The following CHST8 variants were observed in gnomAD, a reference collection of about 807,000 sequenced individuals.
The protein encoded by CHST8 is carbohydrate sulfotransferase 8, also known as GALNAC-4-ST1.
Under a neutral mutation model 15.0 loss-of-function variants are expected in CHST8, and 10 were observed. The observed-to-expected ratio is 0.67, with a 90% CI of 0.41 to 1.13. CHST8 has a LOEUF of 1.13. Among genes scored for constraint, CHST8 ranks in the 50% most tolerant of loss-of-function variants. The probability of loss-of-function intolerance (pLI) is 0.00; values close to 1 mark genes in which losing one functional copy is unlikely to be tolerated. For missense variants in CHST8, 634 were observed against 608.2 expected, an observed-to-expected ratio of 1.04 and a Z score of -0.45; for synonymous variants, 259 against 256.6, an observed-to-expected ratio of 1.01 and a Z score of -0.09.
rs186561088 is a variant in CHST8 at position 33,731,957 on chromosome 19, G to A, written c.131-39456G>A. Reference sequence around the variant, plus strand: ...CCTGTCTCAATGGCTCAGTCCACACGGACAGAGATTGAGGTGCAAGGGGAG... The same window carrying A: ...CCTGTCTCAATGGCTCAGTCCACACAGACAGAGATTGAGGTGCAAGGGGAG... On this transcript the variant is annotated intron_variant, in intron 3 of 4. Transcript: ENST00000650847. Among the ~76,000 whole-genome samples the A allele has an allele frequency of 9.1e-4, 139 of 152,246 alleles. 1 individual carries two copies. Among genetic ancestry groups the A allele is most frequent in the African/African-American group, 3.0e-3 (124 of 41,548 alleles).
intron 1 of CHST8, among the ~76,000 whole-genome samples, chr19:33,626,987 C>G (rs1972061975): frequency 6.6e-6 from 1 of 150,778 alleles, no homozygotes; most frequent in Non-Finnish European, 1.5e-5. Context: ...ATGGGGTCTC[C>G]CTATGTTGTC....
intron 3 of CHST8, among the ~76,000 whole-genome samples, chr19:33,738,187 C>T (rs936350260): frequency 8.5e-5 from 13 of 152,222 alleles, no homozygotes; most frequent in African/African-American, 2.7e-4. Context: ...CACTATCGGC[C>T]TCTGTGAGAG....
At chr19:33,721,528 G>A (rs1015032385) in intron 3 of CHST8, among the ~76,000 whole-genome samples, 4 of 151,136 alleles carry the variant, frequency 2.6e-5, no homozygotes, top group African/African-American at 7.3e-5. Flanking sequence ...GTGGATGGAT[G>A]GATAGATAGG....
intron 3 of CHST8, among the ~76,000 whole-genome samples, chr19:33,728,468 G>A (rs879426975): frequency 1.4e-4 from 21 of 152,258 alleles, no homozygotes; most frequent in Non-Finnish European, 2.2e-4. Flanking sequence ...CAAAGGAAGA[G>A]TTGGGGGAAC....
At chr19:33,734,253 G>A (rs553168214) in intron 3 of CHST8, among the ~76,000 whole-genome samples, 2 of 152,250 alleles carry the variant, frequency 1.3e-5, no homozygotes, top group African/African-American at 4.8e-5. Flanking sequence ...CCATGGCAAC[G>A]TCAAGAAGTT....
chr19:33,674,979 C>T (rs1441912357), intron 2 of CHST8, among the ~76,000 whole-genome samples: 1 of 152,244 alleles, frequency 6.6e-6, no homozygotes. Context: ...CACATGTCTA[C>T]AGCATGTGCT....
chr19:33,771,462 GAGTC>G lies in CHST8; in HGVS notation c.168+15_168+18del. 6.2e-7 allele frequency: 1 copy of G among 1,613,952 alleles called. No individual in the cohort carries two copies. Among genetic ancestry groups the G allele is most frequent in the Non-Finnish European group, 8.5e-7 (1 of 1,179,852 alleles). On this transcript the variant is annotated intron_variant, in intron 4 of 4. Transcript: ENST00000650847. ...GGCAGCCCCACCACGTAAGTTCTGAGAGTCAGATAAATCTCAGTGCACACAGCCC... is the reference window on the plus strand; with the variant it reads ...GGCAGCCCCACCACGTAAGTTCTGAGAGATAAATCTCAGTGCACACAGCCC...
chr19:33,654,183 C>A (rs922230530), intron 1 of CHST8, among the ~76,000 whole-genome samples: 3 of 152,076 alleles, frequency 2.0e-5, no homozygotes. Context: ...TGGAATTCTA[C>A]GGAGAGTGTT....
chr19:33,633,743 G>A (rs1005711495), intron 1 of CHST8, among the ~76,000 whole-genome samples: 1 of 150,818 alleles, frequency 6.6e-6, no homozygotes, highest in Non-Finnish European at 1.5e-5. Context: ...TGGGCCCCAG[G>A]GTGCAGGTAC....
At chr19:33,670,029 C>CTG (rs1204532352) in intron 2 of CHST8, among the ~76,000 whole-genome samples, 1 of 152,122 alleles carries the variant, frequency 6.6e-6, no homozygotes, top group Non-Finnish European at 1.5e-5. Context: ...GTGTGCGTTT[C>CTG]TGTGTGTGTG....
intron 1 of CHST8, among the ~76,000 whole-genome samples, chr19:33,630,576 C>A (rs1972109966): frequency 6.7e-6 from 1 of 149,084 alleles, no homozygotes; most frequent in Admixed American, 6.7e-5. Flanking sequence ...TCTACACTGG[C>A]TGGGCCAGTG....
chr19:33,656,825 G>T (rs1187098773), intron 1 of CHST8, among the ~76,000 whole-genome samples: 1 of 151,856 alleles, frequency 6.6e-6, no homozygotes, highest in East Asian at 1.9e-4. Context: ...AGACATGTGT[G>T]GTTAGTTTTT....
At chr19:33,673,862 T>A (rs560930246) in intron 2 of CHST8, among the ~76,000 whole-genome samples, 1 of 152,348 alleles carries the variant, frequency 6.6e-6, no homozygotes, top group Admixed American at 6.5e-5. Context: ...CCAGCGATTC[T>A]TCTGCCTCAG....
chr19:33,631,949 C>T (rs1209442833), intron 1 of CHST8, among the ~76,000 whole-genome samples: 2 of 152,182 alleles, frequency 1.3e-5, no homozygotes, highest in African/African-American at 4.8e-5. Flanking sequence ...GCCTAAGAGT[C>T]CACAATCAGT....
chr19:33,757,459 A>AG (rs1568358497), intron 3 of CHST8, among the ~76,000 whole-genome samples: 3 of 40,734 alleles, frequency 7.4e-5, no homozygotes, highest in Non-Finnish European at 1.5e-4. Flanking sequence ...AGAAAGAAAG[A>AG]AAGAAAGAAA....
At chr19:33,764,719 G>A (rs1192368070) in intron 3 of CHST8, among the ~76,000 whole-genome samples, 1 of 152,040 alleles carries the variant, frequency 6.6e-6, no homozygotes, top group East Asian at 1.9e-4. Context: ...ATAGGTTTCT[G>A]CGGAACAGGT....
At chr19:33,751,957 G>T (rs427903) in intron 3 of CHST8, among the ~76,000 whole-genome samples, 86,799 of 152,020 alleles carry the variant, frequency 0.57, 25,480 homozygotes, top group African/African-American at 0.7. Flanking sequence ...CGGGGTAGCA[G>T]CGTGGTGTTT....
At chr19:33,753,042 G>A (rs943283119) in intron 3 of CHST8, among the ~76,000 whole-genome samples, 1 of 152,124 alleles carries the variant, frequency 6.6e-6, no homozygotes, top group Non-Finnish European at 1.5e-5. Context: ...CAGCCAGGGG[G>A]GTGCACTGGG....
Position 33,689,396 on chromosome 19 carries a change from G to A in CHST8, c.130+5G>A. ...TCGCCCCCCAGCAGGTGCCAGGTGAGTCCTTGCGCTGAGTCCTGCCATCAC... is the reference window on the plus strand; with the variant it reads ...TCGCCCCCCAGCAGGTGCCAGGTGAATCCTTGCGCTGAGTCCTGCCATCAC... On this transcript the variant is annotated splice_donor_5th_base_variant and intron_variant, in intron 3 of 4. Coordinates refer to ENST00000650847, the MANE Select transcript of CHST8 (RefSeq NM_001127895.2). The A allele has an allele frequency of 6.3e-7, 1 of 1,581,128 alleles. No homozygotes were observed. The highest frequency in any genetic ancestry group is 8.6e-7 in the Non-Finnish European group (1 of 1,167,106).
Sources: gnomAD v4.1 joint callset for allele counts (sites outside exome capture counted in the v4.1 genomes callset) on GRCh38, gnomAD v4.1.1 for gene constraint, MANE v1.5 for transcripts, NCBI Gene and HGNC (gene_info 2026-07-23, HGNC 2026-07-21) for gene names.